Variants in TIMM10B observed in about 807,000 individuals in gnomAD.
TIMM10B encodes the protein translocase of inner mitochondrial membrane 10B, also known as mitochondrial import inner membrane translocase subunit Tim10 B.
TIMM10B carries 17 observed loss-of-function variants against 12.6 expected under a neutral mutation model. The ratio of observed to expected loss-of-function variants is 1.35; its 90% confidence interval spans 0.92 to 2.03. TIMM10B has a LOEUF of 2.03. TIMM10B is among the 30% of genes most tolerant of loss of function. The pLI, the probability that TIMM10B is intolerant of heterozygous loss-of-function variation, is 0.00. For synonymous variants in TIMM10B, 63 were observed against 51.3 expected (o/e 1.23, Z -0.97); for missense variants, 165 against 133.3 (o/e 1.24, Z -1.17).
chr11:6,481,782 A>G lies in TIMM10B; in HGVS notation c.65A>G (p.Asn22Ser). ...CTGCGTGACTTCCTGTTGGTCTACA[A>G]TCGGATGACAGAACTCTGCTTCCAG... ...RNLRDFLLVY[N>S]RMTELCFQRC... The change falls in exon 2 of 3, where the codon AAT (asparagine) becomes AGT (serine). Residue 22 changes from asparagine (N) to serine (S), a missense_variant. Asn to Ser is a conservative substitution (Grantham distance 46). Transcript: ENST00000254616. The G allele has an allele frequency of 6.2e-7, 1 of 1,614,102 alleles. No individual in the cohort carries two copies. Among genetic ancestry groups the G allele is most frequent in the Non-Finnish European group, 8.5e-7 (1 of 1,180,026 alleles).
At position 6,481,932 on chromosome 11, in the gene TIMM10B, C is replaced by T. The variant is rs1851802723; in HGVS notation, c.135+80C>T. The T allele has an allele frequency of 8.1e-6, 13 of 1,601,940 alleles. No homozygotes were observed. The South Asian group carries it at 1.4e-4, about 18-fold the overall frequency. On this transcript the variant is annotated intron_variant, in intron 2 of 2. Coordinates refer to ENST00000254616, the MANE Select transcript of TIMM10B (RefSeq NM_012192.4). ...TTCCCTCCTCACCCCACTTCCCGTA[C>T]CTCTGGCCCTGGCCTTCCCACGACC...
rs1327514520 is a variant in TIMM10B, at chr11:6,484,563, G to C, written c.*2342G>C. ...ATATAAATGCAAGTAAAACAGGTTT[G>C]AACTTCTTAACTTCCAGAAGATAGG... On this transcript the variant is annotated 3_prime_UTR_variant, in exon 3 of 3. Transcript: ENST00000254616. 1.3e-5 allele frequency: 2 copies of C among 152,202 alleles called. No individual in the cohort carries two copies. Among genetic ancestry groups the C allele is most frequent in the Non-Finnish European group, 2.9e-5 (2 of 68,012 alleles). 9.4% of individuals were successfully genotyped at this position (152,202 alleles called of 1,614,324 possible). A position where few individuals can be genotyped will look rare whatever the true frequency, so the allele number is the denominator to read the frequency against.
At position 6,482,972 on chromosome 11, in the gene TIMM10B, GTCTT is replaced by G. The variant is rs1448121356; in HGVS notation, c.*753_*756del. 1.3e-5 allele frequency: 2 copies of G among 152,214 alleles called. No individual in the cohort carries two copies. The highest frequency in any genetic ancestry group is 4.8e-5 in the African/African-American group (2 of 41,454). The allele number at this position is 152,214 out of a possible 1,614,324, so 9.4% of individuals were successfully genotyped here. ...AGATGAAACCTGTAAGAAGTCTGGA[GTCTT>G]TTGGAACTTCAGCCATTTCCCCAGG... On this transcript the variant is annotated 3_prime_UTR_variant, in exon 3 of 3. Coordinates refer to ENST00000254616, the MANE Select transcript of TIMM10B (RefSeq NM_012192.4).
rs1851879550 is a variant in TIMM10B, at chr11:6,483,827, T to A, written c.*1606T>A. On this transcript the variant is annotated 3_prime_UTR_variant, in exon 3 of 3. Transcript: ENST00000254616. Reference sequence around the variant, plus strand: ...TCTACAGAGCAGAAAATTGAAATTCTCAAGTAGCAGACCCGGTATTAAAGT... The same window carrying A: ...TCTACAGAGCAGAAAATTGAAATTCACAAGTAGCAGACCCGGTATTAAAGT... 6.6e-6 allele frequency: 1 copy of A among 152,236 alleles called. No individual in the cohort carries two copies. Among genetic ancestry groups the A allele is most frequent in the South Asian group, 2.1e-4 (1 of 4,836 alleles). 9.4% of individuals were successfully genotyped at this position (152,236 alleles called of 1,614,324 possible). A position where few individuals can be genotyped will look rare whatever the true frequency, so the allele number is the denominator to read the frequency against.
In TIMM10B at chr11:6,482,591, T is replaced by G. The variant is rs184241439; in HGVS notation, c.*370T>G. 7.0e-4 allele frequency: 135 copies of G among 193,964 alleles called. 3 individuals carry two copies. Among genetic ancestry groups the G allele is most frequent in the African/African-American group, 3.0e-3 (130 of 43,478 alleles). The allele number at this position is 193,964 out of a possible 1,614,324, so 12.0% of individuals were successfully genotyped here. On this transcript the variant is annotated 3_prime_UTR_variant, in exon 3 of 3. Transcript: ENST00000254616. The stretch of plus-strand genomic sequence containing the variant: ...TAAAACGGGTAATATGTCATGCTCT[T>G]AGTTCATCTTCACAACAAAACTATG...
chr11:6,481,897 G>C (rs2303492), intron 2 of TIMM10B, 45 bp downstream of exon 2: 56 of 1,609,618 alleles, frequency 3.5e-5, no homozygotes, highest in Non-Finnish European at 4.3e-5. Context: ...AGAGTTTAGC[G>C]GTAGACTGCT....
rs1308399855 is a variant in TIMM10B at position 6,484,635 on chromosome 11, C to T, written c.*2414C>T. 6.6e-6 allele frequency: 1 copy of T among 152,246 alleles called. No individual in the cohort carries two copies. The highest frequency in any genetic ancestry group is 6.5e-5 in the Admixed American group (1 of 15,284). The allele number at this position is 152,246 out of a possible 1,614,324, so 9.4% of individuals were successfully genotyped here. On this transcript the variant is annotated 3_prime_UTR_variant, in exon 3 of 3. Coordinates refer to ENST00000254616, the MANE Select transcript of TIMM10B (RefSeq NM_012192.4). ...TGCTGCTGGTGGGAGGACCCTTCCA[C>T]ATCAACATTTGTGTGTATCCTTGCA...
Position 6,481,825 on chromosome 11 carries a change from G to T in TIMM10B, c.108G>T (p.Leu36Phe). 6.2e-7 allele frequency: 1 copy of T among 1,613,800 alleles called. No homozygotes were observed. Among genetic ancestry groups the T allele is most frequent in the Non-Finnish European group, 8.5e-7 (1 of 1,180,004 alleles). Residue 36 changes from leucine to phenylalanine, a missense_variant, in exon 2 of 3, where the codon TTG becomes TTT. Transcript: ENST00000254616. The part of the protein sequence containing the change: ...ELCFQRCVPS[L>F]HHRALDAEEE... ...GCTTCCAGCGCTGTGTGCCCAGCTTGCACCACCGAGCTCTGGACGCTGAGG... is the reference window on the plus strand; with the variant it reads ...GCTTCCAGCGCTGTGTGCCCAGCTTTCACCACCGAGCTCTGGACGCTGAGG...
chr11:6,481,670 G>A (rs1851781072), intron 1 of TIMM10B, 87 bp from the exon 2 acceptor site: 2 of 1,594,452 alleles, frequency 1.3e-6, no homozygotes, highest in South Asian at 2.2e-5. Context: ...GCTATGGCGC[G>A]CGGGCCTGGG....
chr11:6,482,362 C>A lies in TIMM10B; in HGVS notation c.*141C>A. On this transcript the variant is annotated 3_prime_UTR_variant, in exon 3 of 3. Transcript: ENST00000254616. The stretch of plus-strand genomic sequence containing the variant: ...GTGTCCTTGCTCCTTTTCCTGGAGC[C>A]AATATACCCAGTTTTTACTCAGTTT... 1.4e-6 allele frequency: 1 copy of A among 712,722 alleles called. No individual in the cohort carries two copies. Among genetic ancestry groups the A allele is most frequent in the Non-Finnish European group, 2.3e-6 (1 of 442,418 alleles). The allele number at this position is 712,722 out of a possible 1,614,324, so 44.1% of individuals were successfully genotyped here. A position where few individuals can be genotyped will look rare whatever the true frequency, so the allele number is the denominator to read the frequency against.
In TIMM10B at chr11:6,482,213, G is replaced by C. The variant is rs780743160; in HGVS notation, c.304G>C (p.Gly102Arg). ...AAEQPGVSPS[G>R]S ...TGAACAGCCTGGGGTCTCTCCATCAGGCAGCTAGCCATACCCAACCCCAGG... is the reference window on the plus strand; with the variant it reads ...TGAACAGCCTGGGGTCTCTCCATCACGCAGCTAGCCATACCCAACCCCAGG... Residue 102 changes from glycine (G) to arginine (R), a missense_variant, in exon 3 of 3, where the codon GGC (glycine) becomes CGC (arginine). Coordinates refer to ENST00000254616, the MANE Select transcript of TIMM10B (RefSeq NM_012192.4). 1.2e-6 allele frequency: 2 copies of C among 1,604,422 alleles called. No individual in the cohort carries two copies. The highest frequency in any genetic ancestry group is 1.7e-6 in the Non-Finnish European group (2 of 1,177,944).
In TIMM10B at chr11:6,482,116, G is replaced by A. The variant is rs148807917; in HGVS notation, c.207G>A (p.Gln69=). Residue 69 remains glutamine, a synonymous_variant, in exon 3 of 3, where the codon CAG becomes CAA. Transcript: ENST00000254616. ...ACCGCCTCATGGCCGCTTACGTGCAGCTCATGCCTGCCCTGGTACAGCGCC... is the reference window on the plus strand; with the variant it reads ...ACCGCCTCATGGCCGCTTACGTGCAACTCATGCCTGCCCTGGTACAGCGCC... ...SNHRLMAAYV[Q]LMPALVQRRI... is the part of the protein sequence containing the mutation. The A allele has an allele frequency of 7.8e-4, 1,265 of 1,613,770 alleles. 5 individuals are homozygous for A. Among genetic ancestry groups the A allele is most frequent in the Non-Finnish European group, 8.9e-4 (1,053 of 1,180,040 alleles).
chr11:6,481,867 A>AG lies in TIMM10B; in HGVS notation c.135+18dup. On this transcript the variant is annotated intron_variant, in intron 2 of 2. Coordinates refer to ENST00000254616, the MANE Select transcript of TIMM10B (RefSeq NM_012192.4). ...ACGCTGAGGAGGTGGGGAACTGTGT[A>AG]GGGAGGTTACGCTGCAAGAAGAGTT... 1.2e-6 allele frequency: 2 copies of AG among 1,613,256 alleles called. No individual in the cohort carries two copies. The highest frequency in any genetic ancestry group is 1.7e-6 in the Non-Finnish European group (2 of 1,179,936).
rs1851828384 is a variant in TIMM10B at position 6,482,334 on chromosome 11, T to C, written c.*113T>C. ...AGAGAATTCGAGGTTGCCTGAAAGCTGGGTGTCCTTGCTCCTTTTCCTGGA... is the reference window on the plus strand; with the variant it reads ...AGAGAATTCGAGGTTGCCTGAAAGCCGGGTGTCCTTGCTCCTTTTCCTGGA... On this transcript the variant is annotated 3_prime_UTR_variant, in exon 3 of 3. Coordinates refer to ENST00000254616, the MANE Select transcript of TIMM10B (RefSeq NM_012192.4). 2.0e-6 allele frequency: 2 copies of C among 993,252 alleles called. No individual in the cohort carries two copies. The highest frequency in any genetic ancestry group is 2.9e-6 in the Non-Finnish European group (2 of 691,720). The allele number at this position is 993,252 out of a possible 1,614,324, so 61.5% of individuals were successfully genotyped here.
In TIMM10B at chr11:6,481,541, C is replaced by A. The variant is rs775625873; in HGVS notation, c.25C>A (p.Gln9Lys). The change falls in exon 1 of 3, where the codon CAG (glutamine) becomes AAG (lysine). Residue 9 changes from glutamine (Q) to lysine (K), a missense_variant. Gln to Lys is a moderately conservative substitution (Grantham distance 53). Coordinates refer to ENST00000254616, the MANE Select transcript of TIMM10B (RefSeq NM_012192.4). ...GATGGAGCGGCAGCAGCAGCAGCAA[C>A]AGCAACTGCGAAACGTAAGTGAGAA... MERQQQQQ[Q>K]QLRNLRDFLL... The A allele has an allele frequency of 6.2e-7, 1 of 1,611,152 alleles. No individual in the cohort carries two copies. Among genetic ancestry groups the A allele is most frequent in the African/African-American group, 1.3e-5 (1 of 74,752 alleles).
intron 2 of TIMM10B, 59 bp downstream of exon 2, chr11:6,481,911 C>G: frequency 1.9e-6 from 3 of 1,568,476 alleles, no homozygotes; most frequent in Non-Finnish European, 1.7e-6. Flanking sequence ...GACTGCTTCC[C>G]TCCTCACCCC....
rs1485117817 is a variant in TIMM10B at position 6,483,066 on chromosome 11, G to A, written c.*845G>A. 6.6e-6 allele frequency: 1 copy of A among 152,196 alleles called. No individual in the cohort carries two copies. Among genetic ancestry groups the A allele is most frequent in the Admixed American group, 6.5e-5 (1 of 15,274 alleles). The allele number at this position is 152,196 out of a possible 1,614,324, so 9.4% of individuals were successfully genotyped here. A position where few individuals can be genotyped will look rare whatever the true frequency, so the allele number is the denominator to read the frequency against. On this transcript the variant is annotated 3_prime_UTR_variant, in exon 3 of 3. Coordinates refer to ENST00000254616, the MANE Select transcript of TIMM10B (RefSeq NM_012192.4). The stretch of plus-strand genomic sequence containing the variant: ...CAGTAAAACCTTTGAACAAAGGTCT[G>A]TGTGGTTGTCTTCACGGGCAATCAG...
At position 6,483,028 on chromosome 11, in the gene TIMM10B, T is replaced by G. The variant is rs1384747330; in HGVS notation, c.*807T>G. The G allele has an allele frequency of 6.6e-6, 1 of 152,198 alleles. No homozygotes were observed. Among genetic ancestry groups the G allele is most frequent in the Non-Finnish European group, 1.5e-5 (1 of 68,038 alleles). The allele number at this position is 152,198 out of a possible 1,614,324, so 9.4% of individuals were successfully genotyped here. A position where few individuals can be genotyped will look rare whatever the true frequency, so the allele number is the denominator to read the frequency against. On this transcript the variant is annotated 3_prime_UTR_variant, in exon 3 of 3. Transcript: ENST00000254616. ...TGTTACTTTCTTAGTATGTACAGTC[T>G]TCTCAGGATGAGCAGTAAAACCTTT...
In TIMM10B at chr11:6,482,034, C is replaced by G. The variant is rs1256913719; in HGVS notation, c.136-11C>G. The G allele has an allele frequency of 6.2e-7, 1 of 1,608,590 alleles. No individual in the cohort carries two copies. On this transcript the variant is annotated splice_polypyrimidine_tract_variant and intron_variant, in intron 2 of 2. Coordinates refer to ENST00000254616, the MANE Select transcript of TIMM10B (RefSeq NM_012192.4). ...CCTTTATCCTCCACTTAAACCCTAT[C>G]TTCCTTCTAGGAGGCCTGTCTGCAC... is the stretch of plus-strand genomic sequence containing the variant.
Sources: gnomAD v4.1 joint callset for allele counts on GRCh38, gnomAD v4.1.1 for gene constraint, MANE v1.5 for transcripts, NCBI Gene and HGNC (gene_info 2026-07-23, HGNC 2026-07-21) for gene names.